COX18: variants seen among roughly 807,000 people sequenced by gnomAD.
COX18 encodes cytochrome c oxidase assembly protein COX18, mitochondrial.
COX18 carries 45 observed loss-of-function variants against 38.0 expected under a neutral mutation model. That is an observed-to-expected ratio of 1.18 (90% CI 0.93 to 1.52). The LOEUF (loss-of-function observed/expected upper bound fraction) is 1.52, where lower values mean the gene tolerates loss of function less well. COX18 is among the 40% of genes most tolerant of loss of function. The pLI is 0.00. For missense variants in COX18, 462 were observed against 423.8 expected, an observed-to-expected ratio of 1.09 and a Z score of -0.79; for synonymous variants, 177 against 169.8, an observed-to-expected ratio of 1.04 and a Z score of -0.33.
At position 73,069,553 on chromosome 4, in the gene COX18, C is replaced by G; in HGVS notation, c.97G>C (p.Ala33Pro). 1.3e-6 allele frequency: 2 copies of G among 1,571,290 alleles called. No individual in the cohort carries two copies. The highest frequency in any genetic ancestry group is 8.6e-7 in the Non-Finnish European group (1 of 1,158,926). ...CACACTGGGAGAGTGGGGCGCTTGG[C>G]GCCGCTCGTAGGAACCGGCGCAAGC... ...LPLAPVPTSG[A>P]KRPTLPVWAV... Residue 33 changes from alanine to proline, a missense_variant, in exon 1 of 6, where the codon GCC becomes CCC. Transcript: ENST00000507544.
chr4:73,061,297 G>A (rs1236725975), intron 5 of COX18, among the ~76,000 whole-genome samples: 1 of 152,022 alleles, frequency 6.6e-6, no homozygotes, highest in African/African-American at 2.4e-5. Context: ...CCATATTCAT[G>A]GTATTATGCA....
At position 73,058,111 on chromosome 4, in the gene COX18, A is replaced by G. The variant is rs1244581779; in HGVS notation, c.*3T>C. The G allele has an allele frequency of 1.3e-6, 2 of 1,565,824 alleles. No individual in the cohort carries two copies. Among genetic ancestry groups the G allele is most frequent in the Non-Finnish European group, 1.7e-6 (2 of 1,147,892 alleles). On this transcript the variant is annotated 3_prime_UTR_variant, in exon 6 of 6. Transcript: ENST00000507544. ...AACTGTTTCAAAATTATTGGAAAAT[A>G]TGTCATTTTCTTGAAATGAACTTGG...
At chr4:73,069,719 T>G (rs1720685914), upstream of COX18, 1 of 1,430,878 alleles carries the variant, frequency 7.0e-7, no homozygotes, top group South Asian at 1.2e-5. Context: ...CAGCCAAGGC[T>G]GATACGCGCA....
rs375362771 is a variant in COX18 at position 73,061,918 on chromosome 4, A to G, written c.726T>C (p.Ile242=). Residue 242 remains isoleucine, a splice_region_variant and synonymous_variant, in exon 5 of 6, where the codon ATT becomes ATC. Coordinates refer to ENST00000507544, the MANE Select transcript of COX18 (RefSeq NM_001297732.2). The part of the protein sequence containing the change: ...VGVINLLIVE[I]CALQKIGMSR... ...ACATTCCAATTTTTTGTAGAGCACA[A>G]ATCTGAAGGGGTAGAACATATACAT... is the stretch of plus-strand genomic sequence containing the variant. The G allele has an allele frequency of 6.5e-7, 1 of 1,536,904 alleles. No individual in the cohort carries two copies.
rs1258211134 is a variant in COX18 at position 73,056,579 on chromosome 4, A to C, written c.*1535T>G. 1 of 152,184 alleles carries C rather than the reference A, an allele frequency of 6.6e-6. No individual in the cohort carries two copies. The highest frequency in any genetic ancestry group is 1.5e-5 in the Non-Finnish European group (1 of 68,032). 9.4% of individuals were successfully genotyped at this position (152,184 alleles called of 1,614,324 possible). On this transcript the variant is annotated 3_prime_UTR_variant, in exon 6 of 6. Coordinates refer to ENST00000507544, the MANE Select transcript of COX18 (RefSeq NM_001297732.2). ...TCTACCATGTTAGGGACTTGTATGC[A>C]TGGACTACTTTACTGCATATATTTC...
At position 73,068,060 on chromosome 4, in the gene COX18, T is replaced by A; in HGVS notation, c.403A>T (p.Asn135Tyr). 1 of 1,611,496 alleles carries A rather than the reference T, an allele frequency of 6.2e-7. No individual in the cohort carries two copies. Among genetic ancestry groups the A allele is most frequent in the East Asian group, 2.2e-5 (1 of 44,750 alleles). ...HLNQEVAVRA[N>Y]QLGWSKRDAR... ...TCTCTTTTGGACCACCCCAACTGAT[T>A]TGCACGAACTGCAACTTCTTGGTTA... The change falls in exon 2 of 6, where the codon AAT (asparagine) becomes TAT (tyrosine). Residue 135 changes from asparagine to tyrosine, a missense_variant. Transcript: ENST00000507544.
Position 73,057,470 on chromosome 4 carries a change from A to G in COX18, c.*644T>C, listed in dbSNP as rs1719951180. On this transcript the variant is annotated 3_prime_UTR_variant, in exon 6 of 6. Transcript: ENST00000507544. ...CATCTCACTGATCCTCTTATTTTAC[A>G]AAACAGTAATATGCAGTATTGTTTA... 6.6e-6 allele frequency: 1 copy of G among 152,188 alleles called. No homozygotes were observed. The highest frequency in any genetic ancestry group is 6.5e-5 in the Admixed American group (1 of 15,282). 9.4% of individuals were successfully genotyped at this position (152,188 alleles called of 1,614,324 possible). A position where few individuals can be genotyped will look rare whatever the true frequency, so the allele number is the denominator to read the frequency against.
Position 73,058,300 on chromosome 4 carries a change from G to A in COX18, c.832-13C>T, listed in dbSNP as rs1256871503. 1 of 1,571,584 alleles carries A rather than the reference G, an allele frequency of 6.4e-7. No homozygotes were observed. The highest frequency in any genetic ancestry group is 1.4e-5 in the African/African-American group (1 of 73,254). On this transcript the variant is annotated splice_polypyrimidine_tract_variant and intron_variant, in intron 5 of 5. Coordinates refer to ENST00000507544, the MANE Select transcript of COX18 (RefSeq NM_001297732.2). ...AGAGAACAATTGACTATAAAGAGAA[G>A]ACATAAATGTTAGCATCTGTAATTC...
chr4:73,064,784 T>A lies in COX18; in HGVS notation c.717A>T (p.Ile239=). Residue 239 remains isoleucine (I), a synonymous_variant, in exon 4 of 6, where the codon ATA becomes ATT. Transcript: ENST00000507544. ...PISVGVINLL[I]VEICALQKIG... ...TTCATTTAAAACTACTGACCTCCAC[T>A]ATTAACAAATTGATGACGCCAACAG... 1 of 1,613,476 alleles carries A rather than the reference T, an allele frequency of 6.2e-7. No individual in the cohort carries two copies. The highest frequency in any genetic ancestry group is 2.2e-5 in the East Asian group (1 of 44,858).
chr4:73,069,304 CG>C lies in COX18; in HGVS notation c.333+12del, dbSNP rs1560477926. 1 of 1,503,862 alleles carries C rather than the reference CG, an allele frequency of 6.6e-7. No individual in the cohort carries two copies. The highest frequency in any genetic ancestry group is 1.4e-5 in the African/African-American group (1 of 72,080). The allele number at this position is 1,503,862 out of a possible 1,614,324, so 93.2% of individuals were successfully genotyped here. The stretch of plus-strand genomic sequence containing the variant: ...TGCAGCGCAGGGTACGCGCACGGCT[CG>C]GCGCCCCTCACCTTGGCCAGGATGT... On this transcript the variant is annotated intron_variant, in intron 1 of 5. Transcript: ENST00000507544.
chr4:73,066,987 G>A (rs899869501), intron 2 of COX18, among the ~76,000 whole-genome samples: 9 of 152,004 alleles, frequency 5.9e-5, no homozygotes, highest in Admixed American at 2.0e-4. Flanking sequence ...ATAATTTTTC[G>A]CAGTCTAGTA....
chr4:73,065,958 T>G (rs928986764), intron 2 of COX18, among the ~76,000 whole-genome samples: 1 of 152,230 alleles, frequency 6.6e-6, no homozygotes, highest in East Asian at 1.9e-4. Context: ...CCTGAAATTT[T>G]ACTTTTTAGA....
intron 5 of COX18, among the ~76,000 whole-genome samples, chr4:73,061,455 T>A (rs1300540010): frequency 3.3e-5 from 5 of 152,056 alleles, no homozygotes; most frequent in Non-Finnish European, 7.4e-5. Flanking sequence ...ACGCCTGTAA[T>A]CCCAGCACTT....
chr4:73,065,499 G>T, intron 2 of COX18, 86 bp from the exon 3 acceptor site: 1 of 1,170,398 alleles, frequency 8.5e-7, no homozygotes, highest in Non-Finnish European at 1.2e-6. Flanking sequence ...AATAGCGCCT[G>T]CTGTAGTTAT....
At chr4:73,062,391 TTA>T (rs891894816) in intron 4 of COX18, among the ~76,000 whole-genome samples, 2 of 151,748 alleles carry the variant, frequency 1.3e-5, no homozygotes, top group African/African-American at 4.8e-5. Context: ...AAAACACTAA[TTA>T]TGTCAAATTC....
intron 2 of COX18, among the ~76,000 whole-genome samples, 165 bp downstream of exon 2, chr4:73,067,864 A>AAAAAAATATATATATATATATAT: frequency 1.0e-4 from 2 of 20,008 alleles, no homozygotes; most frequent in African/African-American, 1.8e-4. Flanking sequence ...AAAAAAAAAA[A>AAAAAAATATATATATATATATAT]ATATATATAT....
At chr4:73,060,575 T>C (rs577894045) in intron 5 of COX18, among the ~76,000 whole-genome samples, 1 of 152,284 alleles carries the variant, frequency 6.6e-6, no homozygotes, top group East Asian at 1.9e-4. Flanking sequence ...CATACTGTTT[T>C]AGATTCCTAT....
intron 2 of COX18, among the ~76,000 whole-genome samples, chr4:73,065,704 T>A (rs559010641): frequency 1.1e-4 from 16 of 152,322 alleles, no homozygotes; most frequent in African/African-American, 3.6e-4. Flanking sequence ...TAAATTTCAC[T>A]ACTGACATGG....
intron 2 of COX18, 118 bp from the exon 3 acceptor site, chr4:73,065,531 GGTTTCA>G: frequency 1.2e-6 from 1 of 824,112 alleles, no homozygotes; most frequent in Non-Finnish European, 1.8e-6. Flanking sequence ...TTTGTATAAG[GGTTTCA>G]GCTGTCACAG....
Sources: gnomAD v4.1 joint callset for allele counts (sites outside exome capture counted in the v4.1 genomes callset) on GRCh38, gnomAD v4.1.1 for gene constraint, MANE v1.5 for transcripts, NCBI Gene and HGNC (gene_info 2026-07-23, HGNC 2026-07-21) for gene names.